COL6A2: variants seen among roughly 807,000 people sequenced by gnomAD.
COL6A2 encodes collagen type VI alpha 2 chain, also known as collagen alpha-2(VI) chain.
Under a neutral mutation model 124.9 loss-of-function variants are expected in COL6A2, and 90 were observed. That is an observed-to-expected ratio of 0.72 (90% confidence interval 0.61 to 0.86). The LOEUF (loss-of-function observed/expected upper bound fraction) is 0.86, where lower values mean the gene tolerates loss of function less well. Among genes scored for constraint, COL6A2 ranks in the 40% least tolerant of loss-of-function variants. COL6A2 has a pLI of 0.00. For missense variants in COL6A2, 1,607 were observed against 1,502.5 expected (o/e 1.07, Z -1.15); for synonymous variants, 793 against 618.2 (o/e 1.28, Z -4.19).
In COL6A2 at chr21:46,112,542, G is replaced by A. The variant is rs35881321; in HGVS notation, c.679G>A (p.Asp227Asn). ...CATGCTGCCCGACTCCACCGAGATC[G>A]ACCAGGACACCATCAACCGCATCAT... is the stretch of plus-strand genomic sequence containing the variant. ...ATMLPDSTEI[D>N]QDTINRIIKV... Residue 227 changes from aspartate to asparagine, a missense_variant, in exon 3 of 28, where the codon GAC becomes AAC. Around this residue, in one of 3 missense-constraint regions of COL6A2, gnomAD observed 342 missense variants for 381.5 expected, o/e 0.90. Coordinates refer to ENST00000300527, the MANE Select transcript of COL6A2 (RefSeq NM_001849.4). 41,483 of 1,611,910 alleles carry A rather than the reference G, an allele frequency of 0.026. 622 individuals carry two copies. Among genetic ancestry groups the A allele is most frequent in the African/African-American group, 0.031 (2,308 of 74,934 alleles).
At chr21:46,100,875 C>T (rs1294568562) in intron 1 of COL6A2, among the ~76,000 whole-genome samples, 1 of 152,198 alleles carries the variant, frequency 6.6e-6, no homozygotes, top group East Asian at 1.9e-4. Flanking sequence ...CACACAGATA[C>T]CTCTTGGAGA....
intron 4 of COL6A2, among the ~76,000 whole-genome samples, chr21:46,113,446 G>C (rs1044486259): frequency 6.6e-6 from 1 of 151,574 alleles, no homozygotes; most frequent in African/African-American, 2.4e-5. Flanking sequence ...GTACGATCAC[G>C]GCTCACTGCA....
rs2078397289 is a variant in COL6A2 at position 46,111,492 on chromosome 21, T to A, written c.16T>A (p.Cys6Ser). ...TGCTGCCAAGATGCTCCAGGGCACC[T>A]GCTCCGTGCTCCTGCTCTGGGGAAT... Reference protein sequence around the residue: MLQGTCSVLLLWGILG... With the variant: MLQGTSSVLLLWGILG... Residue 6 changes from cysteine (C) to serine (S), a missense_variant, in exon 2 of 28, where the codon TGC (cysteine) becomes AGC (serine). This residue lies in a region of COL6A2 where 342 missense variants were observed against 381.5 expected (regional missense o/e 0.90). Transcript: ENST00000300527. 1.2e-6 allele frequency: 2 copies of A among 1,612,120 alleles called. No homozygotes were observed. Among genetic ancestry groups the A allele is most frequent in the Non-Finnish European group, 1.7e-6 (2 of 1,179,274 alleles).
rs1443671159 is a variant in COL6A2, at chr21:46,122,297, A to G, written c.1572+139A>G. ...GTCCCTCCTGCGGGACAGAGTGGTG[A>G]GAAGGCTTCGGGTGACTCAGTGAAG... On this transcript the variant is annotated intron_variant, in intron 19 of 27. Transcript: ENST00000300527. 3.2e-6 allele frequency: 4 copies of G among 1,240,948 alleles called. No individual in the cohort carries two copies. The African/African-American group carries it at 5.9e-5, about 18-fold the overall frequency. 76.9% of individuals were successfully genotyped at this position (1,240,948 alleles called of 1,614,324 possible).
At chr21:46,121,941 G>A (rs904706418) in intron 18 of COL6A2, among the ~76,000 whole-genome samples, 167 bp from the exon 19 acceptor site, 3 of 152,176 alleles carry the variant, frequency 2.0e-5, no homozygotes, top group Admixed American at 1.3e-4. Flanking sequence ...CCCCACTGGA[G>A]GTGGACAGGG....
rs1300626127 is a variant in COL6A2, at chr21:46,124,686, G to T, written c.1707G>T (p.Arg569=). Residue 569 remains arginine (R), a synonymous_variant, in exon 22 of 28, where the codon CGG becomes CGT. Transcript: ENST00000300527. ...DPGPPGEPGP[R]GPRGVPGPEG... ...GTCCCCCTGGTGAGCCAGGCCCTCG[G>T]GGGCCAAGAGGAGTCCCAGGACCCG... 6.2e-7 allele frequency: 1 copy of T among 1,612,724 alleles called. No individual in the cohort carries two copies. The highest frequency in any genetic ancestry group is 8.5e-7 in the Non-Finnish European group (1 of 1,179,918).
At chr21:46,122,056 C>A in intron 18 of COL6A2, 52 bp from the exon 19 acceptor site, 2 of 1,594,832 alleles carry the variant, frequency 1.3e-6, no homozygotes, top group Non-Finnish European at 1.7e-6. Context: ...CACAGCCCCC[C>A]AGCCCCACCC....
In COL6A2 at chr21:46,112,531, C is replaced by T. The variant is rs2078418524; in HGVS notation, c.668C>T (p.Ser223Phe). The change falls in exon 3 of 28, where the codon TCC becomes TTC. Residue 223 changes from serine (S) to phenylalanine (F), a missense_variant. Around this residue, in one of 3 missense-constraint regions of COL6A2, gnomAD observed 342 missense variants for 381.5 expected, o/e 0.90. Coordinates refer to ENST00000300527, the MANE Select transcript of COL6A2 (RefSeq NM_001849.4). ...GACTACGCCACCATGCTGCCCGACT[C>T]CACCGAGATCGACCAGGACACCATC... Reference protein sequence around the residue: ...RNDYATMLPDSTEIDQDTINR... With the variant: ...RNDYATMLPDFTEIDQDTINR... 1.2e-6 allele frequency: 2 copies of T among 1,611,128 alleles called. No homozygotes were observed. The highest frequency in any genetic ancestry group is 1.3e-5 in the African/African-American group (1 of 74,552).
At chr21:46,122,226 C>T in intron 19 of COL6A2, 68 bp downstream of exon 19, 3 of 1,548,682 alleles carry the variant, frequency 1.9e-6, no homozygotes, top group Non-Finnish European at 2.7e-6. Flanking sequence ...CCTGAAGATT[C>T]CTAGTAGTTC....
At chr21:46,129,818 C>G (rs2078737177) in intron 27 of COL6A2, 1 of 1,135,644 alleles carries the variant, frequency 8.8e-7, no homozygotes, top group Non-Finnish European at 1.1e-6. Context: ...CTGCAGAGTC[C>G]TTCTTTGCTG....
intron 4 of COL6A2, among the ~76,000 whole-genome samples, chr21:46,113,403 G>C (rs1365907799): frequency 2.0e-5 from 3 of 151,838 alleles, no homozygotes; most frequent in Non-Finnish European, 4.4e-5. Flanking sequence ...TAGAGACAGG[G>C]TCTTTCTCTG....
chr21:46,117,020 A>G (rs2078483091), intron 10 of COL6A2, among the ~76,000 whole-genome samples: 1 of 152,062 alleles, frequency 6.6e-6, no homozygotes, highest in Non-Finnish European at 1.5e-5. Context: ...CATCTAATTC[A>G]TGGCTGCACA....
At chr21:46,100,072 G>A (rs111291451) in intron 1 of COL6A2, among the ~76,000 whole-genome samples, 4 of 151,842 alleles carry the variant, frequency 2.6e-5, no homozygotes, top group African/African-American at 9.7e-5. Context: ...ATGGATGTTC[G>A]CTTTTTGGGT....
intron 1 of COL6A2, among the ~76,000 whole-genome samples, chr21:46,106,521 AATT>A (rs957795832): frequency 1.9e-4 from 29 of 152,338 alleles, no homozygotes; most frequent in African/African-American, 6.7e-4. Flanking sequence ...TCTGGTACAC[AATT>A]ATTATAGATT....
chr21:46,111,431 AC>A lies in COL6A2; in HGVS notation c.-27-14del. 6.8e-7 allele frequency: 1 copy of A among 1,472,638 alleles called. No homozygotes were observed. Among genetic ancestry groups the A allele is most frequent in the East Asian group, 2.3e-5 (1 of 43,740 alleles). 91.2% of individuals were successfully genotyped at this position (1,472,638 alleles called of 1,614,324 possible). On this transcript the variant is annotated intron_variant, in intron 1 of 27. Coordinates refer to ENST00000300527, the MANE Select transcript of COL6A2 (RefSeq NM_001849.4). ...GAGAGGCACTGGGGGTGTCTGAGCG[AC>A]CCCCACCCCTGTTGCAGGACTTCAG... is the stretch of plus-strand genomic sequence containing the variant.
rs2078472345 is a variant in COL6A2 at position 46,116,492 on chromosome 21, C to G, written c.927+89C>G. On this transcript the variant is annotated intron_variant, in intron 8 of 27. Coordinates refer to ENST00000300527, the MANE Select transcript of COL6A2 (RefSeq NM_001849.4). This position sits in a 1 kb window ranked among gnomAD's most constrained non-coding sequence, Gnocchi z 4.6. Reference sequence around the variant, plus strand: ...CGTCCGCCGCAGCCTGTCACTGCTCCTGGGGCACCGGCCTGGTCTTTTCTC... The same window carrying G: ...CGTCCGCCGCAGCCTGTCACTGCTCGTGGGGCACCGGCCTGGTCTTTTCTC... 25 of 1,588,312 alleles carry G rather than the reference C, an allele frequency of 1.6e-5. No homozygotes were observed. Among genetic ancestry groups the G allele is most frequent in the Non-Finnish European group, 2.1e-5 (24 of 1,160,452 alleles).
intron 5 of COL6A2, among the ~76,000 whole-genome samples, chr21:46,115,509 T>C (rs1473198598): frequency 6.6e-6 from 1 of 152,228 alleles, no homozygotes; most frequent in Non-Finnish European, 1.5e-5. Context: ...AATTAATCTT[T>C]GTAGTGACGG....
chr21:46,125,816 C>T lies in COL6A2; in HGVS notation c.2001C>T (p.His667=), dbSNP rs886042174. ...GTGTGGGCGTGGTGCAGTACAGCCA[C>T]GAGGGCACCTTTGAGGCCATCCAGC... The part of the protein sequence containing the change: ...GTRVGVVQYS[H]EGTFEAIQLD... Residue 667 remains histidine, a synonymous_variant, in exon 26 of 28, where the codon CAC becomes CAT. Transcript: ENST00000300527. 14 of 1,612,420 alleles carry T rather than the reference C, an allele frequency of 8.7e-6. No homozygotes were observed. The East Asian group carries it at 8.9e-5, about 10-fold the overall frequency.
chr21:46,129,113 C>A, intron 27 of COL6A2: 1 of 1,606,336 alleles, frequency 6.2e-7, no homozygotes, highest in South Asian at 1.1e-5. Flanking sequence ...TCACTCTGGC[C>A]TCGCTGAGCG....
Sources: gnomAD v4.1 joint callset for allele counts (sites outside exome capture counted in the v4.1 genomes callset) on GRCh38, gnomAD v4.1.1 for gene constraint, gnomAD v4.1.1 regional missense constraint, Gnocchi (gnomAD v3.1) non-coding constraint, MANE v1.5 for transcripts, NCBI Gene and HGNC (gene_info 2026-07-23, HGNC 2026-07-21) for gene names.